Variants in RELL1 observed in about 807,000 individuals in gnomAD.
RELL1 encodes RELT-like protein 1.
In RELL1, 10 loss-of-function variants were observed where a neutral mutation model predicts 23.0. That is an observed-to-expected ratio of 0.43 (90% confidence interval 0.27 to 0.74). The LOEUF is 0.74. RELL1 is among the 30% of genes least tolerant of loss of function. The probability of loss-of-function intolerance (pLI) is 0.19; values close to 1 mark genes in which losing one functional copy is unlikely to be tolerated. For synonymous variants in RELL1, 146 were observed against 146.8 expected, an observed-to-expected ratio of 0.99 and a Z score of 0.04; for missense variants, 315 against 364.4, an observed-to-expected ratio of 0.86 and a Z score of 1.10.
chr4:37,597,048 C>T (rs1007201241), intron 6 of RELL1, among the ~76,000 whole-genome samples: 12 of 151,776 alleles, frequency 7.9e-5, no homozygotes, highest in Middle Eastern at 3.4e-3. Context: ...GCGCCCAGCC[C>T]GGGCCAATAT....
intron 6 of RELL1, among the ~76,000 whole-genome samples, chr4:37,603,701 C>T (rs1719076322): frequency 6.6e-6 from 1 of 152,114 alleles, no homozygotes; most frequent in African/African-American, 2.4e-5. Context: ...GGCAAATTCA[C>T]CCAGGGGGCT....
chr4:37,683,082 C>T (rs1424941042), intron 1 of RELL1, among the ~76,000 whole-genome samples: 3 of 152,244 alleles, frequency 2.0e-5, no homozygotes, highest in African/African-American at 4.8e-5. Context: ...GGCATTGCCA[C>T]TACCCACCGT....
In RELL1 at chr4:37,652,391, G is replaced by A. The variant is rs28393839; in HGVS notation, c.89-2891C>T. ...TAAATATATGCAATATACCGTCTAA[G>A]TTAGGGTTTAACCTCATGCCTTATT... On this transcript the variant is annotated intron_variant, in intron 1 of 6. Transcript: ENST00000454158. 6.8e-3 allele frequency among the ~76,000 whole-genome samples: 1,036 copies of A among 152,258 alleles called. 12 individuals carry two copies. The highest frequency in any genetic ancestry group is 0.023 in the African/African-American group (970 of 41,536).
intron 6 of RELL1, among the ~76,000 whole-genome samples, chr4:37,603,267 C>T (rs548521913): frequency 6.6e-6 from 1 of 152,186 alleles, no homozygotes; most frequent in Non-Finnish European, 1.5e-5. Flanking sequence ...CCACACCACC[C>T]CCTGGCCACG....
intron 1 of RELL1, among the ~76,000 whole-genome samples, chr4:37,659,331 G>A (rs1446525118): frequency 6.6e-6 from 1 of 152,208 alleles, no homozygotes; most frequent in Non-Finnish European, 1.5e-5. Context: ...AAAGACAGCA[G>A]GGAACTGAGG....
chr4:37,657,214 TAGAA>T (rs941853486), intron 1 of RELL1, among the ~76,000 whole-genome samples: 5 of 152,042 alleles, frequency 3.3e-5, no homozygotes, highest in Admixed American at 2.0e-4. Flanking sequence ...AAAAATAAAA[TAGAA>T]AGAAAAACAA....
intron 1 of RELL1, among the ~76,000 whole-genome samples, chr4:37,680,633 C>T (rs1451367758): frequency 2.6e-5 from 4 of 152,010 alleles, no homozygotes; most frequent in South Asian, 2.1e-4. Context: ...AATTAAAGAA[C>T]CTATGCGAGT....
At chr4:37,589,920 CCAAA>C (rs1227067054), downstream of RELL1, among the ~76,000 whole-genome samples, 1 of 152,228 alleles carries the variant, frequency 6.6e-6, no homozygotes, top group Non-Finnish European at 1.5e-5. Context: ...GCGTGAGCCA[CCAAA>C]CATTTTTATA....
chr4:37,675,141 A>C (rs986799147), intron 1 of RELL1, among the ~76,000 whole-genome samples: 1 of 152,258 alleles, frequency 6.6e-6, no homozygotes, highest in Non-Finnish European at 1.5e-5. Flanking sequence ...TAGAATTCCT[A>C]AGATAATCAT....
At chr4:37,620,472 TCTGTAC>T (rs1719728720) in intron 6 of RELL1, among the ~76,000 whole-genome samples, 1 of 152,210 alleles carries the variant, frequency 6.6e-6, no homozygotes, top group Non-Finnish European at 1.5e-5. Context: ...CAAAAGTTAT[TCTGTAC>T]CTGGAAAAAC....
chr4:37,640,871 A>G (rs1720508551), intron 3 of RELL1, among the ~76,000 whole-genome samples: 1 of 152,190 alleles, frequency 6.6e-6, no homozygotes, highest in Non-Finnish European at 1.5e-5. Flanking sequence ...AACATTTACC[A>G]TACTTCAAAA....
intron 6 of RELL1, among the ~76,000 whole-genome samples, chr4:37,615,500 A>C (rs1240809446): frequency 6.6e-6 from 1 of 152,190 alleles, no homozygotes; most frequent in Non-Finnish European, 1.5e-5. Context: ...AGCAGTCAGA[A>C]ATCATGTGTG....
At position 37,611,424 on chromosome 4, in the gene RELL1, C is replaced by A. The variant is rs1719372623; in HGVS notation, c.*1922G>T. Among the ~76,000 whole-genome samples the A allele has an allele frequency of 6.6e-6, 1 of 152,040 alleles. No individual in the cohort carries two copies. The highest frequency in any genetic ancestry group is 2.1e-4 in the South Asian group (1 of 4,830). On this transcript the variant is annotated 3_prime_UTR_variant, in exon 7 of 7. Transcript: ENST00000454158. Reference sequence around the variant, plus strand: ...AAAAATTCTCATGAAACTAAATTCCCCATTTATTTAAAAGGTTAGAAATGT... The same window carrying A: ...AAAAATTCTCATGAAACTAAATTCCACATTTATTTAAAAGGTTAGAAATGT...
intron 6 of RELL1, among the ~76,000 whole-genome samples, chr4:37,615,008 AC>A (rs1719529713): frequency 6.6e-6 from 1 of 151,972 alleles, no homozygotes; most frequent in South Asian, 2.1e-4. Flanking sequence ...TCAAATCCAG[AC>A]CCCTACTCCC....
intron 1 of RELL1, among the ~76,000 whole-genome samples, chr4:37,681,998 T>G (rs932532908): frequency 6.6e-6 from 1 of 152,204 alleles, no homozygotes; most frequent in African/African-American, 2.4e-5. Flanking sequence ...GACTTCAAAA[T>G]CAAACAGATC....
At chr4:37,604,617 G>C (rs73807846) in intron 6 of RELL1, among the ~76,000 whole-genome samples, 18,433 of 151,990 alleles carry the variant, frequency 0.12, 1,295 homozygotes, top group East Asian at 0.29. Context: ...ATGAAGGAGA[G>C]ATGGAATGCA....
downstream of RELL1, chr4:37,589,029 G>C (rs1718458579): frequency 4.5e-6 from 3 of 665,532 alleles, no homozygotes; most frequent in South Asian, 6.3e-5. Flanking sequence ...AACACATTAA[G>C]AGTTTGGAAT....
intron 6 of RELL1, among the ~76,000 whole-genome samples, chr4:37,626,501 T>C (rs1252215071): frequency 6.6e-6 from 1 of 151,922 alleles, no homozygotes; most frequent in African/African-American, 2.4e-5. Flanking sequence ...AAATTAAAAA[T>C]AGAACTACCA....
downstream of RELL1, chr4:37,588,124 A>T (rs970457622): frequency 1.6e-4 from 24 of 152,280 alleles, no homozygotes; most frequent in African/African-American, 5.8e-4. Context: ...AAAGGAAATG[A>T]TGGGGAAAAG....
Sources: allele counts gnomAD v4.1 joint callset (sites outside exome capture counted in the v4.1 genomes callset), GRCh38; gene constraint gnomAD v4.1.1; transcripts MANE v1.5; gene names NCBI Gene and HGNC (gene_info 2026-07-23, HGNC 2026-07-21).